CPA6: variants seen among roughly 807,000 people sequenced by gnomAD.
CPA6 encodes carboxypeptidase B.
Under a neutral mutation model 63.3 loss-of-function variants are expected in CPA6, and 58 were observed. That is an observed-to-expected ratio of 0.92 (90% CI 0.74 to 1.14). The LOEUF (loss-of-function observed/expected upper bound fraction) is 1.14, where lower values mean the gene tolerates loss of function less well. Among genes scored for constraint, CPA6 ranks in the 50% most tolerant of loss-of-function variants. The pLI is 0.00. For missense variants in CPA6, 565 were observed against 526.6 expected, an observed-to-expected ratio of 1.07 and a Z score of -0.71; for synonymous variants, 185 against 179.0, an observed-to-expected ratio of 1.03 and a Z score of -0.27.
chr8:67,541,945 G>T (rs955188926), intron 2 of CPA6, among the ~76,000 whole-genome samples: 3 of 152,236 alleles, frequency 2.0e-5, no homozygotes, highest in Non-Finnish European at 4.4e-5. Context: ...TCCTATTTGG[G>T]CATCTTGCCC....
intron 6 of CPA6, among the ~76,000 whole-genome samples, chr8:67,486,546 A>G (rs1354019002): frequency 6.6e-6 from 1 of 152,218 alleles, no homozygotes; most frequent in Non-Finnish European, 1.5e-5. Flanking sequence ...CTCGTTTTCA[A>G]GCAATGCATG....
At chr8:67,483,911 G>A (rs966990192) in intron 7 of CPA6, 53 bp from the exon 8 acceptor site, 26 of 1,410,828 alleles carry the variant, frequency 1.8e-5, no homozygotes, top group Non-Finnish European at 1.9e-5. Flanking sequence ...AAGGTTATTC[G>A]CATGCATTTT....
At chr8:67,674,784 A>G (rs1027035127) in intron 1 of CPA6, among the ~76,000 whole-genome samples, 3 of 152,200 alleles carry the variant, frequency 2.0e-5, no homozygotes, top group African/African-American at 4.8e-5. Flanking sequence ...GTGTCCATCA[A>G]TGATGGATTA....
At chr8:67,435,266 C>T (rs569245488) in intron 8 of CPA6, among the ~76,000 whole-genome samples, 17 of 152,122 alleles carry the variant, frequency 1.1e-4, no homozygotes, top group African/African-American at 3.1e-4. Context: ...CCTGTCCCTG[C>T]GGGGAAATCT....
At chr8:67,610,599 G>A (rs1270483084) in intron 2 of CPA6, among the ~76,000 whole-genome samples, 1 of 152,142 alleles carries the variant, frequency 6.6e-6, no homozygotes, top group East Asian at 1.9e-4. Flanking sequence ...TGACAGGAGA[G>A]ATGACTGACT....
At chr8:67,618,172 G>C (rs376544223) in intron 2 of CPA6, among the ~76,000 whole-genome samples, 1 of 152,164 alleles carries the variant, frequency 6.6e-6, no homozygotes, top group East Asian at 1.9e-4. Flanking sequence ...GGCCATCCTA[G>C]AATTCTGCCT....
chr8:67,633,174 CTTTG>C (rs1436739983), intron 1 of CPA6, among the ~76,000 whole-genome samples: 1 of 152,128 alleles, frequency 6.6e-6, no homozygotes, highest in East Asian at 1.9e-4. Context: ...AAAAACTCTT[CTTTG>C]TTTTATTTTA....
chr8:67,627,604 A>G (rs961537198), intron 1 of CPA6, among the ~76,000 whole-genome samples: 2 of 152,224 alleles, frequency 1.3e-5, no homozygotes, highest in African/African-American at 2.4e-5. Flanking sequence ...TTTCTAACTT[A>G]GCCTATATAA....
intron 10 of CPA6, among the ~76,000 whole-genome samples, chr8:67,427,308 T>C (rs1417686820): frequency 6.6e-6 from 1 of 152,218 alleles, no homozygotes; most frequent in African/African-American, 2.4e-5. Flanking sequence ...TTTTTTGTCC[T>C]GTTATTTATT....
intron 2 of CPA6, among the ~76,000 whole-genome samples, chr8:67,621,380 G>A (rs1025331559): frequency 3.3e-5 from 5 of 152,272 alleles, no homozygotes; most frequent in African/African-American, 1.2e-4. Flanking sequence ...TAAAGTAAAT[G>A]ATAATGATAA....
At position 67,653,423 on chromosome 8, in the gene CPA6, A is replaced by G. The variant is rs1415067911; in HGVS notation, c.117-29172T>C. On this transcript the variant is annotated intron_variant, in intron 1 of 10. Coordinates refer to ENST00000297770, the MANE Select transcript of CPA6 (RefSeq NM_020361.5). ...TGTATCCTCTTTTATTTCATTGAGC[A>G]GTGGTTTGTAGTTCTCCTTGAAGAG... Among the ~76,000 whole-genome samples the G allele has an allele frequency of 7.1e-3, 1,082 of 151,586 alleles. 12 individuals are homozygous for G. Among genetic ancestry groups the G allele is most frequent in the African/African-American group, 0.025 (1,030 of 41,378 alleles).
chr8:67,511,759 G>T, intron 3 of CPA6, 104 bp from the exon 4 acceptor site: 1 of 693,010 alleles, frequency 1.4e-6, no homozygotes, highest in South Asian at 1.7e-5. Flanking sequence ...AAAGACTGTG[G>T]TGATCAATAT....
At position 67,546,020 on chromosome 8, in the gene CPA6, C is replaced by T. The variant is rs111407324; in HGVS notation, c.193-27973G>A. On this transcript the variant is annotated intron_variant, in intron 2 of 10. Transcript: ENST00000297770. The stretch of plus-strand genomic sequence containing the variant: ...CAGTCACACAGACAGACTCATCCCC[C>T]TCTGCCTCCATCCCCTGGCAGGATG... Among the ~76,000 whole-genome samples the T allele has an allele frequency of 7.8e-3, 1,183 of 152,266 alleles. 6 individuals carry two copies. The highest frequency in any genetic ancestry group is 0.011 in the Non-Finnish European group (735 of 68,006).
intron 2 of CPA6, among the ~76,000 whole-genome samples, chr8:67,622,697 C>T (rs1408847242): frequency 6.6e-6 from 1 of 152,174 alleles, no homozygotes; most frequent in East Asian, 1.9e-4. Flanking sequence ...TTGTTAATTA[C>T]AAATATCTCC....
chr8:67,637,309 G>T (rs1187783240), intron 1 of CPA6, among the ~76,000 whole-genome samples: 1 of 151,540 alleles, frequency 6.6e-6, no homozygotes, highest in Admixed American at 6.6e-5. Context: ...CCTGAAATGG[G>T]CTTCCATTAT....
At chr8:67,467,951 G>T (rs1810966278) in intron 8 of CPA6, among the ~76,000 whole-genome samples, 2 of 150,634 alleles carry the variant, frequency 1.3e-5, no homozygotes. Flanking sequence ...CCAGCTACTT[G>T]GGAGGCTGAG....
chr8:67,676,627 G>A (rs1369188370), intron 1 of CPA6, among the ~76,000 whole-genome samples: 1 of 152,174 alleles, frequency 6.6e-6, no homozygotes, highest in African/African-American at 2.4e-5. Flanking sequence ...GGCACCAACT[G>A]TAATAGGTTC....
intron 8 of CPA6, among the ~76,000 whole-genome samples, chr8:67,437,041 C>T (rs551359049): frequency 1.3e-5 from 2 of 152,270 alleles, no homozygotes; most frequent in East Asian, 3.9e-4. Context: ...TTCTTTGAAT[C>T]TCATCCTGGA....
intron 8 of CPA6, among the ~76,000 whole-genome samples, chr8:67,477,974 T>C (rs1036844732): frequency 2.6e-5 from 4 of 152,222 alleles, no homozygotes; most frequent in Non-Finnish European, 2.9e-5. Flanking sequence ...GTGATAAGTG[T>C]CTTTGTATGC....
Sources: gnomAD v4.1 joint callset for allele counts (sites outside exome capture counted in the v4.1 genomes callset) on GRCh38, gnomAD v4.1.1 for gene constraint, MANE v1.5 for transcripts, NCBI Gene and HGNC (gene_info 2026-07-23, HGNC 2026-07-21) for gene names.